Variants in FABP12 observed in about 807,000 individuals in gnomAD.
FABP12 encodes fatty acid binding protein 12.
Under a neutral mutation model 13.7 loss-of-function variants are expected in FABP12, and 19 were observed. The ratio of observed to expected loss-of-function variants is 1.39; its 90% CI spans 0.97 to 2.04. FABP12 has a LOEUF of 2.04. Ranked by LOEUF, FABP12 falls within the 30% of genes most tolerant of loss-of-function variation. The pLI is 0.00. For missense variants in FABP12, 182 were observed against 164.2 expected, an observed-to-expected ratio of 1.11 and a Z score of -0.59; for synonymous variants, 61 against 57.0, an observed-to-expected ratio of 1.07 and a Z score of -0.32.
At chr8:81,541,910 T>TAAAA (rs1167487132) in intron 1 of FABP12, among the ~76,000 whole-genome samples, 4 of 71,146 alleles carry the variant, frequency 5.6e-5, no homozygotes, top group East Asian at 4.2e-4. Context: ...TCCCAGGGTT[T>TAAAA]AAAAAAAAAA....
chr8:81,561,875 G>A (rs1483650872), intron 1 of FABP12, among the ~76,000 whole-genome samples: 2 of 152,138 alleles, frequency 1.3e-5, no homozygotes, highest in Admixed American at 6.5e-5. Context: ...TAGGCCATAA[G>A]GACTGCAATT....
At chr8:81,538,913 A>G (rs530956068), upstream of FABP12, among the ~76,000 whole-genome samples, 73 of 152,216 alleles carry the variant, frequency 4.8e-4, no homozygotes, top group Admixed American at 1.9e-3. Flanking sequence ...GCAGTGTGCA[A>G]TATCAGCTCA....
In FABP12 at chr8:81,531,265, G is replaced by A. The variant is rs61737701; in HGVS notation, c.51C>T (p.Ser17=). 3.0e-3 allele frequency: 4,808 copies of A among 1,606,768 alleles called. 21 individuals are homozygous for A. The highest frequency in any genetic ancestry group is 0.013 in the African/African-American group (967 of 74,936). Residue 17 remains serine (S), a synonymous_variant, in exon 2 of 5, where the codon TCC becomes TCT. Coordinates refer to ENST00000360464, the Ensembl canonical transcript of FABP12. ...CACCCAGCTCCTTCATGTAGTCTTC[G>A]GAATTTTCACAAGAAATGGACTTCC...
At chr8:81,589,754 G>C (rs73281044) in intron 1 of FABP12, among the ~76,000 whole-genome samples, 4,370 of 152,294 alleles carry the variant, frequency 0.029, 187 homozygotes, top group African/African-American at 0.098. Context: ...AAAACAGGCT[G>C]CCTTTTCCCC....
At chr8:81,527,084 A>G (rs980285877) in exon 4 of FABP12, 5 of 1,611,898 alleles carry the variant, frequency 3.1e-6, no homozygotes, top group Middle Eastern at 1.7e-4. Flanking sequence ...CCAGTCCTGA[A>G]CTTGAATCAG....
At chr8:81,529,528 T>C in exon 3 of FABP12, 1 of 1,614,018 alleles carries the variant, frequency 6.2e-7, no homozygotes, top group Non-Finnish European at 8.5e-7. Flanking sequence ...TTTTGGTTTT[T>C]ATTGTGATGA....
chr8:81,542,550 T>G (rs1049951070), intron 1 of FABP12, among the ~76,000 whole-genome samples: 1 of 152,106 alleles, frequency 6.6e-6, no homozygotes, highest in African/African-American at 2.4e-5. Context: ...GGATTCCACA[T>G]CTCTCTGAGT....
chr8:81,581,278 G>C (rs1427596954), intron 1 of FABP12, among the ~76,000 whole-genome samples: 1 of 152,188 alleles, frequency 6.6e-6, no homozygotes, highest in Non-Finnish European at 1.5e-5. Flanking sequence ...GGAGGACTTT[G>C]ATTGTGATCA....
chr8:81,575,565 C>A (rs1268897169), intron 1 of FABP12, among the ~76,000 whole-genome samples: 1 of 152,066 alleles, frequency 6.6e-6, no homozygotes, highest in African/African-American at 2.4e-5. Context: ...TGAAGTCCCC[C>A]ACTATTATTT....
intron 1 of FABP12, among the ~76,000 whole-genome samples, chr8:81,578,941 G>A (rs1216877156): frequency 1.1e-4 from 16 of 145,300 alleles, no homozygotes; most frequent in African/African-American, 4.1e-4. Flanking sequence ...CCATTCTCCT[G>A]CCTCAGCCTC....
chr8:81,545,487 GA>G (rs1259451539), intron 1 of FABP12, among the ~76,000 whole-genome samples: 3 of 152,186 alleles, frequency 2.0e-5, no homozygotes, highest in Non-Finnish European at 2.9e-5. Flanking sequence ...GAAAGAGCTG[GA>G]ATTAGTCTAG....
At position 81,580,828 on chromosome 8, in the gene FABP12, G is replaced by A. The variant is rs76652447; in HGVS notation, c.-185+9225C>T. Among the ~76,000 whole-genome samples, 382 of 131,272 alleles carry A rather than the reference G, an allele frequency of 2.9e-3. 1 individual carries two copies. The highest frequency in any genetic ancestry group is 0.01 in the African/African-American group (364 of 34,948). 86.1% of individuals were successfully genotyped at this position (131,272 alleles called of 152,430 possible). ...ACCCATATTTTTGTTCATCCAGAAA[G>A]GGAAGCTATGGTAAGAGTCTTGAGT... On this transcript the variant is annotated intron_variant, in intron 1 of 5. Coordinates refer to the FABP12 transcript ENST00000692030.
At chr8:81,556,713 T>G (rs1311292926) in intron 1 of FABP12, among the ~76,000 whole-genome samples, 2 of 147,900 alleles carry the variant, frequency 1.4e-5, no homozygotes, top group Non-Finnish European at 3.0e-5. Context: ...TATCAAACCT[T>G]ATTTATATAT....
chr8:81,545,075 C>A (rs940980713), intron 1 of FABP12, among the ~76,000 whole-genome samples: 2 of 152,150 alleles, frequency 1.3e-5, no homozygotes, highest in African/African-American at 4.8e-5. Context: ...GGCTGGAGTG[C>A]AATGGTGCAG....
intron 1 of FABP12, among the ~76,000 whole-genome samples, chr8:81,571,993 T>A (rs1809941635): frequency 6.6e-6 from 1 of 152,152 alleles, no homozygotes; most frequent in Non-Finnish European, 1.5e-5. Flanking sequence ...GGGGTACAAG[T>A]GATGTTTGGT....
chr8:81,535,631 C>T (rs149859554), upstream of FABP12, among the ~76,000 whole-genome samples: 1,823 of 152,276 alleles, frequency 0.012, 28 homozygotes, highest in South Asian at 0.036. Flanking sequence ...CTCTGTGAAT[C>T]GACAATAATT....
At chr8:81,572,585 G>A (rs1279028573) in intron 1 of FABP12, among the ~76,000 whole-genome samples, 1 of 152,160 alleles carries the variant, frequency 6.6e-6, no homozygotes, top group African/African-American at 2.4e-5. Flanking sequence ...GTGTAGTAGT[G>A]TTCCCTGATC....
chr8:81,566,334 C>T (rs1585853560), intron 1 of FABP12, among the ~76,000 whole-genome samples: 1 of 151,906 alleles, frequency 6.6e-6, no homozygotes, highest in East Asian at 1.9e-4. Flanking sequence ...AGTATTACCC[C>T]AATACCAAAA....
At chr8:81,548,281 T>C (rs1354528193) in intron 1 of FABP12, among the ~76,000 whole-genome samples, 2 of 152,188 alleles carry the variant, frequency 1.3e-5, no homozygotes, top group Non-Finnish European at 2.9e-5. Context: ...ATGTATTAGA[T>C]TATGCTGTAT....
Sources: gnomAD v4.1 joint callset for allele counts (sites outside exome capture counted in the v4.1 genomes callset) on GRCh38, gnomAD v4.1.1 for gene constraint, MANE v1.5 for transcripts, NCBI Gene and HGNC (gene_info 2026-07-23, HGNC 2026-07-21) for gene names.